The following DIP2C variants were observed in gnomAD, a reference collection of about 807,000 sequenced individuals.
DIP2C encodes DIP2 acetate--CoA ligase C (putative), also known as disco-interacting protein 2 homolog C.
DIP2C carries 33 observed loss-of-function variants against 192.4 expected under a neutral mutation model. The ratio of observed to expected loss-of-function variants is 0.17; its 90% CI spans 0.13 to 0.23. The LOEUF (loss-of-function observed/expected upper bound fraction) is 0.23. DIP2C is among the 10% of genes least tolerant of loss of function. The pLI, the probability that DIP2C is intolerant of heterozygous loss-of-function variation, is 1.00. For synonymous variants in DIP2C, 979 were observed against 864.1 expected (o/e 1.13, Z -2.33); for missense variants, 1,537 against 2,110.1 (o/e 0.73, Z 5.32).
intron 1 of DIP2C, among the ~76,000 whole-genome samples, chr10:525,828 T>A (rs768403680): frequency 1.3e-5 from 2 of 152,128 alleles, no homozygotes; most frequent in African/African-American, 2.4e-5. Flanking sequence ...CCAAGAGACA[T>A]GATGGCCAAG....
chr10:406,271 C>G (rs1161374571), intron 9 of DIP2C, among the ~76,000 whole-genome samples: 1 of 152,214 alleles, frequency 6.6e-6, no homozygotes, highest in African/African-American at 2.4e-5. Context: ...AATTTTTACA[C>G]GTAGAATTCA....
At chr10:480,078 C>T (rs1365318503) in intron 2 of DIP2C, among the ~76,000 whole-genome samples, 2 of 150,814 alleles carry the variant, frequency 1.3e-5, no homozygotes, top group Non-Finnish European at 3.0e-5. Flanking sequence ...GAGTGTCATC[C>T]GCCAGCCTGA....
chr10:558,164 TACTA>T (rs1180471473), intron 1 of DIP2C, among the ~76,000 whole-genome samples: 22 of 152,188 alleles, frequency 1.4e-4, no homozygotes, highest in East Asian at 5.8e-4. Context: ...GTTCCCCAAA[TACTA>T]ACTATGATAA....
At position 524,967 on chromosome 10, in the gene DIP2C, C is replaced by CAAAAAAAAAAAAAAAAAAAAAAAAAAAA. The variant is rs10652748; in HGVS notation, c.86-38438_86-38437insTTTTTTTTTTTTTTTTTTTTTTTTTTTT. Among the ~76,000 whole-genome samples, 115 of 111,102 alleles carry CAAAAAAAAAAAAAAAAAAAAAAAAAAAA rather than the reference C, an allele frequency of 1.0e-3. 8 individuals are homozygous for CAAAAAAAAAAAAAAAAAAAAAAAAAAAA. The highest frequency in any genetic ancestry group is 4.5e-3 in the Middle Eastern group (1 of 222). The allele number at this position is 111,102 out of a possible 152,430, so 72.9% of individuals were successfully genotyped here. A position where few individuals can be genotyped will look rare whatever the true frequency, so the allele number is the denominator to read the frequency against. On this transcript the variant is annotated intron_variant, in intron 1 of 36. Transcript: ENST00000280886. ...ACACAGTTTAAGACAATCACAATTT[C>CAAAAAAAAAAAAAAAAAAAAAAAAAAAA]AAAAAAAAAAAAAAAAGAATCACAT...
intron 1 of DIP2C, among the ~76,000 whole-genome samples, chr10:559,382 C>T (rs1199065264): frequency 6.6e-6 from 1 of 151,322 alleles, no homozygotes; most frequent in Admixed American, 6.6e-5. Flanking sequence ...TCCTACCCCA[C>T]ACACAGTCGG....
intron 1 of DIP2C, among the ~76,000 whole-genome samples, chr10:638,010 G>T (rs1251777515): frequency 2.0e-5 from 3 of 152,194 alleles, no homozygotes; most frequent in African/African-American, 7.2e-5. Flanking sequence ...AGGGAAACGT[G>T]GAAGGGCCAG....
At chr10:506,578 T>C (rs1223970736) in intron 1 of DIP2C, among the ~76,000 whole-genome samples, 1 of 151,914 alleles carries the variant, frequency 6.6e-6, no homozygotes. Context: ...CAGAATAGAA[T>C]CCCCAGTACT....
Position 348,737 on chromosome 10 carries a change from A to G in DIP2C, c.3135T>C (p.Tyr1045=), listed in dbSNP as rs1165157471. 3.7e-6 allele frequency: 6 copies of G among 1,613,736 alleles called. No individual in the cohort carries two copies. Among genetic ancestry groups the G allele is most frequent in the Admixed American group, 1.7e-5 (1 of 59,898 alleles). ...GCACACAGCCTGCGTACAGGCAACC[A>G]TAAAACGCTGCTATCAGGTCTATTC... The part of the protein sequence containing the change: ...PPGIDLIAAF[Y]GCLYAGCVPI... Residue 1045 remains tyrosine (Y), a synonymous_variant, in exon 26 of 37, where the codon TAT becomes TAC. Coordinates refer to ENST00000280886, the MANE Select transcript of DIP2C (RefSeq NM_014974.3).
At chr10:514,397 A>C (rs1336737613) in intron 1 of DIP2C, among the ~76,000 whole-genome samples, 1 of 152,188 alleles carries the variant, frequency 6.6e-6, no homozygotes, top group Non-Finnish European at 1.5e-5. Context: ...CACCATTCAC[A>C]GGGTGCTGGC....
chr10:648,619 G>A (rs1482072905), intron 1 of DIP2C, among the ~76,000 whole-genome samples: 3 of 151,666 alleles, frequency 2.0e-5, no homozygotes, highest in African/African-American at 7.3e-5. Context: ...GAGGGTGGGT[G>A]AGAACAGAGG....
chr10:381,383 C>A (rs183414987), intron 17 of DIP2C, among the ~76,000 whole-genome samples: 28 of 152,316 alleles, frequency 1.8e-4, no homozygotes, highest in African/African-American at 6.0e-4. Flanking sequence ...TCTAATTCAA[C>A]CTGGAATGCT....
chr10:461,459 A>T (rs980131991), intron 3 of DIP2C, among the ~76,000 whole-genome samples: 1 of 152,364 alleles, frequency 6.6e-6, no homozygotes, highest in Non-Finnish European at 1.5e-5. Flanking sequence ...ACAATGGCAA[A>T]GGGATCAATA....
intron 1 of DIP2C, among the ~76,000 whole-genome samples, chr10:562,611 T>G (rs912742381): frequency 3.9e-5 from 6 of 152,276 alleles, no homozygotes; most frequent in Non-Finnish European, 1.5e-5. Flanking sequence ...TTAAAATTTC[T>G]ACTTTAAACA....
chr10:492,719 CACTT>C (rs1844534096), intron 1 of DIP2C, among the ~76,000 whole-genome samples: 2 of 152,264 alleles, frequency 1.3e-5, no homozygotes, highest in Non-Finnish European at 1.5e-5. Flanking sequence ...TGGACAAGGT[CACTT>C]AGAGTTTTAC....
intron 1 of DIP2C, among the ~76,000 whole-genome samples, chr10:605,278 A>G (rs943400613): frequency 6.6e-6 from 1 of 152,124 alleles, no homozygotes; most frequent in African/African-American, 2.4e-5. Context: ...GACTATCTCA[A>G]CTACTGGGTT....
chr10:394,276 G>A (rs545941736), intron 10 of DIP2C, among the ~76,000 whole-genome samples: 15 of 151,944 alleles, frequency 9.9e-5, no homozygotes, highest in African/African-American at 2.4e-4. Context: ...AGGACATTAC[G>A]TCACACAGTG....
intron 22 of DIP2C, among the ~76,000 whole-genome samples, chr10:360,347 C>G (rs1269758378): frequency 2.0e-5 from 3 of 152,226 alleles, no homozygotes; most frequent in African/African-American, 7.2e-5. Context: ...GGGTATATCA[C>G]AGCCTCGCCA....
chr10:546,507 A>C lies in DIP2C; in HGVS notation c.86-59977T>G, dbSNP rs149493099. On this transcript the variant is annotated intron_variant, in intron 1 of 36. Transcript: ENST00000280886. ...AGAACTCTGGTTGAAGTTTATGAAA[A>C]ATGTCTGATCCCATGCTATATACAG... Among the ~76,000 whole-genome samples, 314 of 152,278 alleles carry C rather than the reference A, an allele frequency of 2.1e-3. 2 individuals carry two copies. Among genetic ancestry groups the C allele is most frequent in the African/African-American group, 7.2e-3 (299 of 41,556 alleles).
intron 32 of DIP2C, among the ~76,000 whole-genome samples, chr10:297,212 C>CA (rs1193707675): frequency 6.9e-6 from 1 of 145,040 alleles, no homozygotes; most frequent in Non-Finnish European, 1.5e-5. Context: ...CAAAACAAAA[C>CA]AAAACCAACC....
Sources: allele counts gnomAD v4.1 joint callset (sites outside exome capture counted in the v4.1 genomes callset), GRCh38; gene constraint gnomAD v4.1.1; transcripts MANE v1.5; gene names NCBI Gene and HGNC (gene_info 2026-07-23, HGNC 2026-07-21).